TTC6: variants seen among roughly 807,000 people sequenced by gnomAD.
TTC6 encodes tetratricopeptide repeat domain 6.
TTC6 carries 172 observed loss-of-function variants against 210.4 expected under a neutral mutation model. That is an observed-to-expected ratio of 0.82 (90% CI 0.72 to 0.93). TTC6 has a LOEUF of 0.93. Among genes scored for constraint, TTC6 ranks in the 40% least tolerant of loss-of-function variants. The pLI is 0.00. For synonymous variants in TTC6, 804 were observed against 819.6 expected, an observed-to-expected ratio of 0.98 and a Z score of 0.32; for missense variants, 2,414 against 2,318.1, an observed-to-expected ratio of 1.04 and a Z score of -0.85.
At chr14:37,659,768 A>T (rs2095733267) in intron 1 of TTC6, among the ~76,000 whole-genome samples, 1 of 152,106 alleles carries the variant, frequency 6.6e-6, no homozygotes, top group South Asian at 2.1e-4. Flanking sequence ...TGATCCGCCC[A>T]CCTTGGCCTC....
At chr14:37,653,016 T>C (rs1344526645) in intron 1 of TTC6, among the ~76,000 whole-genome samples, 1 of 152,256 alleles carries the variant, frequency 6.6e-6, no homozygotes, top group Non-Finnish European at 1.5e-5. Flanking sequence ...ATCCCTAAAC[T>C]CTTTATACAC....
intron 26 of TTC6, among the ~76,000 whole-genome samples, chr14:37,823,442 A>C (rs2096162776): frequency 6.6e-6 from 1 of 152,236 alleles, no homozygotes; most frequent in Non-Finnish European, 1.5e-5. Flanking sequence ...TTAAAAACAG[A>C]TTTAAGAATG....
intron 1 of TTC6, among the ~76,000 whole-genome samples, chr14:37,636,882 G>C (rs1251810012): frequency 6.6e-6 from 1 of 152,150 alleles, no homozygotes; most frequent in Non-Finnish European, 1.5e-5. Context: ...AAAAGTGGGA[G>C]GTATCAGTGT....
intron 14 of TTC6, among the ~76,000 whole-genome samples, chr14:37,786,227 G>T (rs546780367): frequency 5.3e-5 from 8 of 152,318 alleles, no homozygotes; most frequent in African/African-American, 1.4e-4. Flanking sequence ...CACAGAGGTG[G>T]AGTCTACAGA....
chr14:37,826,623 A>G (rs1005835982), intron 28 of TTC6, among the ~76,000 whole-genome samples: 3 of 152,144 alleles, frequency 2.0e-5, no homozygotes, highest in African/African-American at 7.2e-5. Context: ...ATTTTGTAAT[A>G]CAAAGTGAAT....
intron 1 of TTC6, among the ~76,000 whole-genome samples, chr14:37,603,857 A>G (rs574417356): frequency 6.6e-6 from 1 of 152,344 alleles, no homozygotes; most frequent in South Asian, 2.1e-4. Context: ...GCTTGGAATC[A>G]GACCTGGATT....
intron 3 of TTC6, among the ~76,000 whole-genome samples, chr14:37,685,634 A>T (rs972091431): frequency 6.6e-6 from 1 of 152,210 alleles, no homozygotes; most frequent in Non-Finnish European, 1.5e-5. Context: ...TAAATCTGAC[A>T]GGGAGAATGA....
chr14:37,657,237 A>G (rs959650108), intron 1 of TTC6, among the ~76,000 whole-genome samples: 1 of 150,792 alleles, frequency 6.6e-6, no homozygotes, highest in Non-Finnish European at 1.5e-5. Flanking sequence ...AAAAAAAAAA[A>G]AATACAAGTA....
At chr14:37,640,603 C>T (rs1045157158) in intron 1 of TTC6, among the ~76,000 whole-genome samples, 5 of 152,132 alleles carry the variant, frequency 3.3e-5, no homozygotes, top group Non-Finnish European at 7.3e-5. Context: ...AGCACAATGT[C>T]ACGATCTCGG....
exon 31 of TTC6, chr14:37,842,264 T>C: frequency 2.5e-6 from 4 of 1,606,020 alleles, no homozygotes; most frequent in Non-Finnish European, 3.4e-6. Flanking sequence ...AAGCACTTGA[T>C]CTTGAAGACT....
At chr14:37,596,411 G>A (rs375742574) in intron 1 of TTC6, among the ~76,000 whole-genome samples, 216 of 152,344 alleles carry the variant, frequency 1.4e-3, no homozygotes, top group African/African-American at 5.0e-3. Context: ...CGGAGGGTCC[G>A]GGCTGAGATC....
intron 5 of TTC6, among the ~76,000 whole-genome samples, chr14:37,706,361 C>T (rs1595131145): frequency 6.6e-6 from 1 of 152,046 alleles, no homozygotes; most frequent in Non-Finnish European, 1.5e-5. Context: ...GCTTCTCAGT[C>T]CCTCCTCCTG....
intron 14 of TTC6, among the ~76,000 whole-genome samples, chr14:37,775,422 T>C (rs1566946211): frequency 6.6e-6 from 1 of 152,218 alleles, no homozygotes; most frequent in Non-Finnish European, 1.5e-5. Context: ...TTCTGGTATA[T>C]TGTATCTCTG....
rs1345190889 is a variant in TTC6, at chr14:37,793,664, C to T, written c.3708+1250C>T. 2.0e-5 allele frequency among the ~76,000 whole-genome samples: 3 copies of T among 152,306 alleles called. No individual in the cohort carries two copies. In the East Asian group the frequency reaches 5.8e-4, roughly 29 times the overall value. On this transcript the variant is annotated intron_variant, in intron 17 of 30. Coordinates refer to ENST00000553443, the Ensembl canonical transcript of TTC6. The stretch of plus-strand genomic sequence containing the variant: ...ACCCTGTTGATGAAGGTAAGACCAT[C>T]TGCGGAAGTTGGAGTTTCCTCTGAG...
intron 14 of TTC6, among the ~76,000 whole-genome samples, chr14:37,779,810 G>A (rs2096049107): frequency 6.6e-6 from 1 of 152,102 alleles, no homozygotes; most frequent in Non-Finnish European, 1.5e-5. Flanking sequence ...GTTAATTGAA[G>A]GTATTATTAG....
exon 11 of TTC6, chr14:37,749,148 A>G: frequency 6.5e-7 from 1 of 1,535,528 alleles, no homozygotes; most frequent in Non-Finnish European, 8.7e-7. Flanking sequence ...ATACCTGTAA[A>G]AGAGAAAGAT....
chr14:37,616,409 C>T (rs1479500271), intron 2 of TTC6, among the ~76,000 whole-genome samples: 2 of 152,190 alleles, frequency 1.3e-5, no homozygotes, highest in African/African-American at 4.8e-5. Flanking sequence ...CTCTCCAGGC[C>T]AGTTTACACA....
intron 7 of TTC6, among the ~76,000 whole-genome samples, chr14:37,732,380 T>G (rs2095889277): frequency 6.6e-6 from 1 of 151,312 alleles, no homozygotes; most frequent in African/African-American, 2.4e-5. Context: ...AGATGGGGTT[T>G]CACCGTGTTA....
intron 3 of TTC6, among the ~76,000 whole-genome samples, chr14:37,693,729 T>C (rs2095808971): frequency 6.6e-6 from 1 of 152,122 alleles, no homozygotes; most frequent in East Asian, 1.9e-4. Context: ...AACAGCATGG[T>C]ACTGGCATAA....
Sources: gnomAD v4.1 joint callset for allele counts (sites outside exome capture counted in the v4.1 genomes callset) on GRCh38, gnomAD v4.1.1 for gene constraint, MANE v1.5 for transcripts, NCBI Gene and HGNC (gene_info 2026-07-23, HGNC 2026-07-21) for gene names.